ADAMTSL1: variants seen among roughly 807,000 people sequenced by gnomAD.
The protein encoded by ADAMTSL1 is ADAMTS-like protein 1.
A neutral mutation model predicts 201.8 loss-of-function variants in ADAMTSL1; 126 were observed. That is an observed-to-expected ratio of 0.62 (90% confidence interval 0.54 to 0.72). The LOEUF (loss-of-function observed/expected upper bound fraction) is 0.72, where lower values mean the gene tolerates loss of function less well. Among genes scored for constraint, ADAMTSL1 ranks in the 30% least tolerant of loss-of-function variants. ADAMTSL1 has a pLI of 0.00. For missense variants in ADAMTSL1, 2,679 were observed against 2,277.8 expected, an observed-to-expected ratio of 1.18 and a Z score of -3.59; for synonymous variants, 1,121 against 903.4, an observed-to-expected ratio of 1.24 and a Z score of -4.32.
intron 1 of ADAMTSL1, among the ~76,000 whole-genome samples, chr9:18,128,426 A>G (rs1005209911): frequency 6.6e-6 from 1 of 152,136 alleles, no homozygotes; most frequent in African/African-American, 2.4e-5. Flanking sequence ...GTAGTGGTGC[A>G]ATCATGGCTC....
chr9:18,151,393 A>G (rs1826905700), intron 1 of ADAMTSL1, among the ~76,000 whole-genome samples: 1 of 151,892 alleles, frequency 6.6e-6, no homozygotes, highest in Admixed American at 6.6e-5. Flanking sequence ...AGTTGGAAAG[A>G]CTCTCAGAAT....
chr9:18,689,463 ACTAACAGGCCAC>A (rs1831076863), intron 13 of ADAMTSL1, among the ~76,000 whole-genome samples: 1 of 152,248 alleles, frequency 6.6e-6, no homozygotes, highest in African/African-American at 2.4e-5. Context: ...CCTTCAGGCA[ACTAACAGGCCAC>A]CTAATGCCCT....
intron 1 of ADAMTSL1, among the ~76,000 whole-genome samples, chr9:18,483,663 T>TA (rs1415061181): frequency 2.0e-5 from 3 of 152,126 alleles, no homozygotes; most frequent in African/African-American, 7.2e-5. Flanking sequence ...CTATCTCTAC[T>TA]AAAAATACAA....
chr9:18,079,271 T>C (rs1173203402), intron 1 of ADAMTSL1, among the ~76,000 whole-genome samples: 1 of 152,244 alleles, frequency 6.6e-6, no homozygotes, highest in East Asian at 1.9e-4. Context: ...ACACTCTTTT[T>C]GAAGATTTAT....
chr9:18,007,549 C>T (rs951262751), intron 1 of ADAMTSL1, among the ~76,000 whole-genome samples: 4 of 151,868 alleles, frequency 2.6e-5, no homozygotes, highest in African/African-American at 4.8e-5. Flanking sequence ...TATAATTTGC[C>T]GCTTTTGTCA....
At chr9:18,286,006 C>T (rs1376244941) in intron 2 of ADAMTSL1, among the ~76,000 whole-genome samples, 1 of 152,008 alleles carries the variant, frequency 6.6e-6, no homozygotes, top group Non-Finnish European at 1.5e-5. Flanking sequence ...AAGTTCCCAA[C>T]CCCCTAGCTC....
In ADAMTSL1 at chr9:18,841,572, T is replaced by G. The variant is rs573908055; in HGVS notation, c.4249+11595T>G. Among the ~76,000 whole-genome samples, 900 of 152,004 alleles carry G rather than the reference T, an allele frequency of 5.9e-3. 9 individuals are homozygous for G. The highest frequency in any genetic ancestry group is 0.021 in the African/African-American group (866 of 41,464). Reference sequence around the variant, plus strand: ...CTCATAAAATGAGTTAGGGAGGATTTCCTCTTTTTCTATTGATTGGAATAG... The same window carrying G: ...CTCATAAAATGAGTTAGGGAGGATTGCCTCTTTTTCTATTGATTGGAATAG... On this transcript the variant is annotated intron_variant, in intron 23 of 28. Coordinates refer to ENST00000380548, the MANE Select transcript of ADAMTSL1 (RefSeq NM_001040272.6).
intron 4 of ADAMTSL1, chr9:18,574,509 A>C: frequency 1.7e-6 from 1 of 583,258 alleles, no homozygotes; most frequent in South Asian, 2.3e-5. Context: ...TAAAAGAATA[A>C]AAATTTTTGA....
At chr9:18,857,860 AT>A (rs1181751369) in intron 23 of ADAMTSL1, among the ~76,000 whole-genome samples, 1 of 152,170 alleles carries the variant, frequency 6.6e-6, no homozygotes, top group Non-Finnish European at 1.5e-5. Flanking sequence ...TGACTTTAAG[AT>A]GACTCATATC....
Position 18,474,309 on chromosome 9 carries a change from CA to C in ADAMTSL1, c.63+15del. 1 of 1,613,740 alleles carries C rather than the reference CA, an allele frequency of 6.2e-7. No homozygotes were observed. The highest frequency in any genetic ancestry group is 8.5e-7 in the Non-Finnish European group (1 of 1,179,784). ...TTCCTGCTCCTGGTAAATGCCTTTT[CA>C]TTTCAATGCATTGCTATTGCCATTG... On this transcript the variant is annotated intron_variant, in intron 1 of 28. Coordinates refer to ENST00000380548, the MANE Select transcript of ADAMTSL1 (RefSeq NM_001040272.6).
chr9:18,544,036 A>G (rs894010444), intron 3 of ADAMTSL1, among the ~76,000 whole-genome samples: 8 of 152,286 alleles, frequency 5.3e-5, no homozygotes, highest in Admixed American at 3.9e-4. Context: ...TGGAAAGAAT[A>G]CAGGCTTGGG....
chr9:18,582,329 G>A (rs77514271), intron 4 of ADAMTSL1, among the ~76,000 whole-genome samples: 1,825 of 152,258 alleles, frequency 0.012, 13 homozygotes, highest in African/African-American at 0.019. Flanking sequence ...CCAGGCTGTA[G>A]TCATCCATAC....
At chr9:18,208,838 G>A (rs904874474) in intron 2 of ADAMTSL1, among the ~76,000 whole-genome samples, 2 of 152,138 alleles carry the variant, frequency 1.3e-5, no homozygotes, top group African/African-American at 4.8e-5. Flanking sequence ...CTTGATTAAT[G>A]TTTAACTTTA....
intron 1 of ADAMTSL1, among the ~76,000 whole-genome samples, chr9:18,156,197 C>T (rs1175836943): frequency 3.9e-5 from 6 of 151,934 alleles, no homozygotes; most frequent in East Asian, 1.9e-4. Flanking sequence ...GTGCAAACAA[C>T]GAGGTGGGTT....
rs144979044 is a variant in ADAMTSL1, at chr9:18,310,074, C to T, written c.207+146093C>T. Among the ~76,000 whole-genome samples, 505 of 152,162 alleles carry T rather than the reference C, an allele frequency of 3.3e-3. 6 individuals carry two copies. Among genetic ancestry groups the T allele is most frequent in the Non-Finnish European group, 5.6e-3 (382 of 67,996 alleles). On this transcript the variant is annotated intron_variant, in intron 2 of 29. Transcript: ENST00000680146. ...TGATCTTTAACAAACCTGACAAATA[C>T]AAGCTATGGGGAAAGGAGTCCCTAT...
At chr9:18,469,692 C>T (rs1306793122), upstream of ADAMTSL1, among the ~76,000 whole-genome samples, 1 of 152,250 alleles carries the variant, frequency 6.6e-6, no homozygotes, top group Non-Finnish European at 1.5e-5. Flanking sequence ...TGCCTCTTGA[C>T]ACCTGCAAAC....
rs144197518 is a variant in ADAMTSL1 at position 18,015,487 on chromosome 9, A to T, written c.87+108565A>T. ...AGAAGCAGAGACATTTTGATCCTAG[A>T]GCTCATTTTGGTTAGTGCTTTTATT... On this transcript the variant is annotated intron_variant, in intron 1 of 29. Transcript: ENST00000680146. Among the ~76,000 whole-genome samples, 424 of 152,128 alleles carry T rather than the reference A, an allele frequency of 2.8e-3. 3 individuals are homozygous for T. Among genetic ancestry groups the T allele is most frequent in the Middle Eastern group, 0.014 (4 of 294 alleles).
intron 2 of ADAMTSL1, among the ~76,000 whole-genome samples, chr9:18,279,838 G>T (rs1832717164): frequency 6.6e-6 from 1 of 152,168 alleles, no homozygotes; most frequent in South Asian, 2.1e-4. Flanking sequence ...GGCCAGCCTG[G>T]AGCCTGGGTC....
chr9:18,588,898 T>TATATATATACATATAC (rs1554710738), intron 4 of ADAMTSL1, among the ~76,000 whole-genome samples: 1 of 136,272 alleles, frequency 7.3e-6, no homozygotes, highest in African/African-American at 2.7e-5. Context: ...TATATATATA[T>TATATATATACATATAC]ATATACATAT....
Sources: gnomAD v4.1 joint callset for allele counts (sites outside exome capture counted in the v4.1 genomes callset) on GRCh38, gnomAD v4.1.1 for gene constraint, MANE v1.5 for transcripts, NCBI Gene and HGNC (gene_info 2026-07-23, HGNC 2026-07-21) for gene names.